NEBL: variants seen among roughly 807,000 people sequenced by gnomAD.
NEBL encodes the protein LIM and SH3 protein 2.
Under a neutral mutation model 140.2 loss-of-function variants are expected in NEBL, and 122 were observed. The ratio of observed to expected loss-of-function variants is 0.87; its 90% CI spans 0.75 to 1.01. The LOEUF (loss-of-function observed/expected upper bound fraction) is 1.01. NEBL is among the 50% of genes least tolerant of loss of function. The probability of loss-of-function intolerance (pLI) is 0.00; values close to 1 mark genes in which losing one functional copy is unlikely to be tolerated. For missense variants in NEBL, 1,365 were observed against 1,231.3 expected (o/e 1.11, Z -1.62); for synonymous variants, 436 against 398.9 (o/e 1.09, Z -1.11).
intron 26 of NEBL, among the ~76,000 whole-genome samples, chr10:20,788,672 A>G (rs1327763686): frequency 1.3e-5 from 2 of 152,228 alleles, no homozygotes; most frequent in Non-Finnish European, 2.9e-5. Context: ...CTTGAATTAT[A>G]GTATATTGCA....
At position 21,043,869 on chromosome 10, in the gene NEBL, A is replaced by T. The variant is rs112511628; in HGVS notation, c.165-23668T>A. Among the ~76,000 whole-genome samples, 764 of 152,322 alleles carry T rather than the reference A, an allele frequency of 5.0e-3. 8 individuals are homozygous for T. Among genetic ancestry groups the T allele is most frequent in the African/African-American group, 0.017 (724 of 41,578 alleles). On this transcript the variant is annotated intron_variant, in intron 2 of 6. Transcript: ENST00000417816. ...GTTTTTATTATCTATTATAAAATTT[A>T]AAAAGTTGCCAATTCAGGATGAGAA...
At chr10:20,876,740 A>C (rs1482739463) in intron 5 of NEBL, among the ~76,000 whole-genome samples, 6 of 152,174 alleles carry the variant, frequency 3.9e-5, no homozygotes, top group Non-Finnish European at 8.8e-5. Flanking sequence ...TAGAGTTTAA[A>C]ATTTGTTTGA....
chr10:21,090,168 T>G (rs1836843447), intron 2 of NEBL, among the ~76,000 whole-genome samples: 2 of 152,186 alleles, frequency 1.3e-5, no homozygotes, highest in African/African-American at 2.4e-5. Context: ...GTCTTCCCAG[T>G]GAAGTGCTTG....
At chr10:21,215,228 G>C (rs1841973451) in intron 3 of NEBL, among the ~76,000 whole-genome samples, 1 of 152,176 alleles carries the variant, frequency 6.6e-6, no homozygotes, top group South Asian at 2.1e-4. Context: ...AGGATTTCTT[G>C]AGGCCAGGAG....
At chr10:21,263,412 G>A (rs1224962757) in intron 1 of NEBL, among the ~76,000 whole-genome samples, 1 of 152,134 alleles carries the variant, frequency 6.6e-6, no homozygotes, top group Admixed American at 6.6e-5. Flanking sequence ...GCGGGGGGTT[G>A]AGATCAAGAG....
chr10:20,956,501 T>C (rs1426674204), intron 4 of NEBL, among the ~76,000 whole-genome samples: 3 of 152,208 alleles, frequency 2.0e-5, no homozygotes, highest in Non-Finnish European at 2.9e-5. Context: ...AGATTCACTC[T>C]GTAAAAATAC....
chr10:20,937,781 C>T (rs1834579700), intron 4 of NEBL, among the ~76,000 whole-genome samples: 1 of 152,194 alleles, frequency 6.6e-6, no homozygotes, highest in Non-Finnish European at 1.5e-5. Flanking sequence ...AACGGCACAC[C>T]AGGAGATCAT....
intron 26 of NEBL, among the ~76,000 whole-genome samples, chr10:20,789,966 T>TATAC (rs957446858): frequency 1.5e-4 from 22 of 150,988 alleles, no homozygotes; most frequent in Admixed American, 6.6e-4. Flanking sequence ...TATATATATA[T>TATAC]ATACACACAC....
intron 1 of NEBL, among the ~76,000 whole-genome samples, chr10:21,270,356 A>T (rs1055842092): frequency 7.0e-6 from 1 of 143,160 alleles, no homozygotes; most frequent in Non-Finnish European, 1.5e-5. Flanking sequence ...AGAGTCTGAG[A>T]CTATTTTCCA....
intron 2 of NEBL, among the ~76,000 whole-genome samples, chr10:21,078,249 T>C (rs1448037948): frequency 6.6e-6 from 1 of 152,202 alleles, no homozygotes; most frequent in African/African-American, 2.4e-5. Flanking sequence ...ATGAAATGGA[T>C]TTTTCTGTAT....
intron 2 of NEBL, among the ~76,000 whole-genome samples, chr10:21,159,078 G>C (rs1220147067): frequency 6.6e-6 from 1 of 152,154 alleles, no homozygotes. Flanking sequence ...AGCTTAGAAA[G>C]CTCCCAAGGT....
intron 3 of NEBL, among the ~76,000 whole-genome samples, chr10:21,198,045 G>C (rs1038649862): frequency 2.0e-5 from 3 of 152,014 alleles, no homozygotes; most frequent in Admixed American, 6.6e-5. Context: ...AAACCCTGCT[G>C]TCTCGGTGTG....
At chr10:20,787,073 C>T in intron 27 of NEBL, 129 bp downstream of exon 27, 2 of 849,478 alleles carry the variant, frequency 2.4e-6, no homozygotes, top group South Asian at 1.4e-5. Context: ...GTATAAATGG[C>T]AACACATCAT....
At chr10:21,058,599 A>C (rs1023732269) in intron 2 of NEBL, among the ~76,000 whole-genome samples, 8 of 152,200 alleles carry the variant, frequency 5.3e-5, no homozygotes, top group Non-Finnish European at 8.8e-5. Flanking sequence ...AACATTATTT[A>C]ATGGCATGTT....
At chr10:21,020,113 T>G in intron 3 of NEBL, 1 of 1,611,542 alleles carries the variant, frequency 6.2e-7, no homozygotes, top group Non-Finnish European at 8.5e-7. Flanking sequence ...CTTCTAGAAG[T>G]TACCTGACTC....
At chr10:21,100,665 G>A (rs564288589) in intron 2 of NEBL, among the ~76,000 whole-genome samples, 167 of 152,236 alleles carry the variant, frequency 1.1e-3, no homozygotes, top group Non-Finnish European at 1.8e-3. Context: ...AATATGACCT[G>A]ATGGGCAAAG....
intron 3 of NEBL, among the ~76,000 whole-genome samples, chr10:20,981,456 C>CA (rs1837037993): frequency 6.6e-6 from 1 of 151,972 alleles, no homozygotes; most frequent in East Asian, 1.9e-4. Context: ...AAGTAAAAAA[C>CA]AAAAATTTCA....
intron 3 of NEBL, among the ~76,000 whole-genome samples, chr10:21,195,074 A>G (rs887322810): frequency 1.4e-4 from 22 of 152,280 alleles, no homozygotes; most frequent in African/African-American, 4.8e-4. Flanking sequence ...TCCCACTTCT[A>G]AGTACATTTT....
intron 2 of NEBL, among the ~76,000 whole-genome samples, chr10:20,896,056 C>T (rs953880327): frequency 3.3e-5 from 5 of 152,080 alleles, no homozygotes; most frequent in East Asian, 1.9e-4. Context: ...GACTGACTTC[C>T]GTTAGAAAAC....
Sources: gnomAD v4.1 joint callset for allele counts (sites outside exome capture counted in the v4.1 genomes callset) on GRCh38, gnomAD v4.1.1 for gene constraint, MANE v1.5 for transcripts, NCBI Gene and HGNC (gene_info 2026-07-23, HGNC 2026-07-21) for gene names.